Variants in NOL8 observed in about 807,000 individuals in gnomAD.
The protein encoded by NOL8 is nucleolar protein Nop132.
Under a neutral mutation model 116.1 loss-of-function variants are expected in NOL8, and 93 were observed. The ratio of observed to expected loss-of-function variants is 0.80; its 90% CI spans 0.68 to 0.95. The LOEUF is 0.95. NOL8 is among the 40% of genes least tolerant of loss of function. NOL8 has a pLI of 0.00. For missense variants in NOL8, 1,291 were observed against 1,382.8 expected, an observed-to-expected ratio of 0.93 and a Z score of 1.05; for synonymous variants, 419 against 469.0, an observed-to-expected ratio of 0.89 and a Z score of 1.38.
chr9:92,306,565 T>C (rs182613026), intron 11 of NOL8, among the ~76,000 whole-genome samples: 1 of 152,324 alleles, frequency 6.6e-6, no homozygotes, highest in Non-Finnish European at 1.5e-5. Flanking sequence ...CATTAGTCTC[T>C]CTAAATTTCA....
At chr9:92,317,265 C>T (rs368848523) in intron 6 of NOL8, among the ~76,000 whole-genome samples, 1 of 152,142 alleles carries the variant, frequency 6.6e-6, no homozygotes, top group African/African-American at 2.4e-5. Flanking sequence ...CCACCTTAAG[C>T]GATTACTCTT....
rs113644725 is a variant in NOL8, at chr9:92,315,228, G to C, written c.1397C>G (p.Ala466Gly). Residue 466 changes from alanine to glycine, a missense_variant, in exon 7 of 17, where the codon GCT (alanine) becomes GGT (glycine). Coordinates refer to ENST00000442668, the MANE Select transcript of NOL8 (RefSeq NM_017948.6). ...ATACTCCTCACCTCCTTCAGAGTCA[G>C]CTAATTCTGATGCAGAATCAGCATC... The part of the protein sequence containing the change: ...SEDADSASEL[A>G]DSEGGEEYNA... 8.2e-5 allele frequency: 133 copies of C among 1,613,966 alleles called. 5 individuals carry two copies. In the African/African-American group the frequency reaches 1.0e-3, roughly 13 times the overall value.
intron 7 of NOL8, among the ~76,000 whole-genome samples, chr9:92,312,446 TAAAA>T (rs34116665): frequency 0.038 from 2,158 of 57,486 alleles, 31 homozygotes; most frequent in Non-Finnish European, 0.055. Flanking sequence ...TGAGACCCTG[TAAAA>T]AAAAAAAAAA....
rs562722326 is a variant in NOL8 at position 92,324,974 on chromosome 9, T to C, written c.-49+332A>G. 6.6e-5 allele frequency: 10 copies of C among 152,322 alleles called. No homozygotes were observed. The East Asian group carries it at 1.9e-3, about 29-fold the overall frequency. 9.4% of individuals were successfully genotyped at this position (152,322 alleles called of 1,614,324 possible). A position where few individuals can be genotyped will look rare whatever the true frequency, so the allele number is the denominator to read the frequency against. Reference sequence around the variant, plus strand: ...GAACTTGGAATTCTTAACACTATACTATGAAGGTTGCTGTATCACAGGGGA... The same window carrying C: ...GAACTTGGAATTCTTAACACTATACCATGAAGGTTGCTGTATCACAGGGGA... On this transcript the variant is annotated intron_variant, in intron 1 of 16. Coordinates refer to ENST00000442668, the MANE Select transcript of NOL8 (RefSeq NM_017948.6).
intron 3 of NOL8, chr9:92,323,161 T>C (rs564389746): frequency 7.5e-6 from 4 of 534,286 alleles, no homozygotes; most frequent in East Asian, 7.5e-5. Flanking sequence ...GTGGGATATA[T>C]GTAACAGGCA....
In NOL8 at chr9:92,298,266, G is replaced by C. The variant is rs1185404019; in HGVS notation, c.3444C>G (p.Asn1148Lys). ...SRNSWEARTTNLRMDCRKKHK... is the reference protein window; with the variant it reads ...SRNSWEARTTKLRMDCRKKHK... ...AGAAACAATTACTCACCATACGCAG[G>C]TTGGTTGTTCTGGCCTCCCAAGAGT... The change falls in exon 16 of 17, where the codon AAC becomes AAG. Residue 1148 changes from asparagine (N) to lysine (K), a missense_variant. Asn to Lys is a moderately conservative substitution (Grantham distance 94). Coordinates refer to ENST00000442668, the MANE Select transcript of NOL8 (RefSeq NM_017948.6). The C allele has an allele frequency of 6.2e-7, 1 of 1,605,280 alleles. No individual in the cohort carries two copies. Among genetic ancestry groups the C allele is most frequent in the Non-Finnish European group, 8.5e-7 (1 of 1,175,178 alleles).
chr9:92,323,689 A>G (rs1403292460), intron 2 of NOL8, among the ~76,000 whole-genome samples, 186 bp from the exon 3 acceptor site: 1 of 152,208 alleles, frequency 6.6e-6, no homozygotes, highest in Admixed American at 6.5e-5. Context: ...CCAAAAAAAA[A>G]AAGAAGAAAA....
At chr9:92,299,088 A>C in intron 14 of NOL8, 134 bp from the exon 15 acceptor site, 1 of 485,648 alleles carries the variant, frequency 2.1e-6, no homozygotes, top group Non-Finnish European at 3.6e-6. Flanking sequence ...TTCCCCCTAG[A>C]ATCCAGGTGA....
intron 12 of NOL8, among the ~76,000 whole-genome samples, chr9:92,303,377 A>C (rs1315684408): frequency 6.6e-6 from 1 of 152,220 alleles, no homozygotes; most frequent in Non-Finnish European, 1.5e-5. Flanking sequence ...TAGGGGGAAA[A>C]ACAAACATCA....
chr9:92,316,471 G>A (rs558090225), intron 6 of NOL8, among the ~76,000 whole-genome samples: 7 of 152,154 alleles, frequency 4.6e-5, no homozygotes, highest in South Asian at 2.1e-4. Flanking sequence ...TCCAACCATC[G>A]AACTGATACA....
intron 12 of NOL8, among the ~76,000 whole-genome samples, chr9:92,302,172 G>A (rs1478265478): frequency 6.6e-6 from 1 of 152,058 alleles, no homozygotes; most frequent in Non-Finnish European, 1.5e-5. Context: ...TTTTCTCATA[G>A]GCAAAATGAA....
chr9:92,304,221 G>A (rs1463100663), intron 12 of NOL8, among the ~76,000 whole-genome samples: 2 of 152,196 alleles, frequency 1.3e-5, no homozygotes, highest in East Asian at 3.8e-4. Flanking sequence ...TAGGCCCTCA[G>A]TCCTAATCAA....
intron 10 of NOL8, among the ~76,000 whole-genome samples, chr9:92,308,615 T>C (rs1034775085): frequency 6.6e-6 from 1 of 152,182 alleles, no homozygotes; most frequent in Non-Finnish European, 1.5e-5. Flanking sequence ...GCTAAAGCTA[T>C]AGGGACTTAC....
chr9:92,311,215 A>G lies in NOL8; in HGVS notation c.2403T>C (p.Ser801=), dbSNP rs1258156810. The G allele has an allele frequency of 1.2e-5, 20 of 1,613,796 alleles. No individual in the cohort carries two copies. The highest frequency in any genetic ancestry group is 1.6e-5 in the Non-Finnish European group (19 of 1,179,860). The change falls in exon 8 of 17, where the codon TCT becomes TCC. Residue 801 remains serine (S), a synonymous_variant. Transcript: ENST00000442668. ...EDKPTHIIFG[S]DSECETEETS... ...TCTCCTCTGTTTCACATTCACTGTCAGAACCGAAGATGATGTGCGTTGGCT... is the reference window on the plus strand; with the variant it reads ...TCTCCTCTGTTTCACATTCACTGTCGGAACCGAAGATGATGTGCGTTGGCT...
At chr9:92,304,546 A>G (rs1838055179) in intron 12 of NOL8, among the ~76,000 whole-genome samples, 1 of 152,208 alleles carries the variant, frequency 6.6e-6, no homozygotes, top group South Asian at 2.1e-4. Flanking sequence ...GGAGGGGGTA[A>G]ACATATCCTA....
At chr9:92,306,808 C>A (rs1838304571) in intron 11 of NOL8, 78 bp downstream of exon 11, 2 of 1,399,660 alleles carry the variant, frequency 1.4e-6, no homozygotes, top group South Asian at 1.3e-5. Context: ...TTAAAAGAGA[C>A]CTAGTTTTAA....
At chr9:92,305,726 A>G (rs754056342) in intron 12 of NOL8, 27 bp downstream of exon 12, 6 of 1,440,358 alleles carry the variant, frequency 4.2e-6, no homozygotes, top group South Asian at 3.4e-5. Context: ...ACATGATCCT[A>G]TTGCTAAAAG....
At chr9:92,300,379 A>C (rs1837633763) in intron 13 of NOL8, 1 of 990,502 alleles carries the variant, frequency 1.0e-6, no homozygotes, top group South Asian at 4.6e-5. Context: ...GGATACAGGG[A>C]AATCAGGTTT....
chr9:92,319,568 C>T (rs1414770871), intron 4 of NOL8, among the ~76,000 whole-genome samples: 2 of 152,196 alleles, frequency 1.3e-5, no homozygotes, highest in African/African-American at 2.4e-5. Flanking sequence ...AAGACAGAAC[C>T]GTTAAGAAAA....
Sources: gnomAD v4.1 joint callset for allele counts (sites outside exome capture counted in the v4.1 genomes callset) on GRCh38, gnomAD v4.1.1 for gene constraint, MANE v1.5 for transcripts, NCBI Gene and HGNC (gene_info 2026-07-23, HGNC 2026-07-21) for gene names.